Variants in ZPBP2 observed in about 807,000 individuals in gnomAD.
ZPBP2 encodes zona pellucida binding protein 2, also known as zona pellucida-binding protein 2.
Under a neutral mutation model 37.5 loss-of-function variants are expected in ZPBP2, and 34 were observed. The observed-to-expected ratio is 0.91, with a 90% CI of 0.69 to 1.21. The LOEUF (loss-of-function observed/expected upper bound fraction) is 1.21, where lower values mean the gene tolerates loss of function less well. Among genes scored for constraint, ZPBP2 ranks in the 50% most tolerant of loss-of-function variants. The pLI is 0.00. For missense variants in ZPBP2, 397 were observed against 413.5 expected (o/e 0.96, Z 0.35); for synonymous variants, 143 against 138.4 (o/e 1.03, Z -0.23).
Position 39,870,763 on chromosome 17 carries a change from A to G in ZPBP2, c.188A>G (p.Lys63Arg). 2.5e-6 allele frequency: 4 copies of G among 1,573,598 alleles called. No homozygotes were observed. Among genetic ancestry groups the G allele is most frequent in the Non-Finnish European group, 3.5e-6 (4 of 1,153,748 alleles). The change falls in exon 3 of 8, where the codon AAA becomes AGA. Residue 63 changes from lysine to arginine, a missense_variant. Transcript: ENST00000348931. ...LICMDFKLSKKEIVDPTYLWI... is the reference protein window; with the variant it reads ...LICMDFKLSKREIVDPTYLWI... ...TGTATGGATTTTAAGCTTTCTAAAA[A>G]AGAAATAGTGGACCCCACCTACTTA... is the stretch of plus-strand genomic sequence containing the variant.
At chr17:39,869,485 A>G (rs948586702) in intron 2 of ZPBP2, among the ~76,000 whole-genome samples, 4 of 145,858 alleles carry the variant, frequency 2.7e-5, no homozygotes, top group African/African-American at 1.0e-4. Context: ...GCTCACTGGA[A>G]CCTCCGCCTC....
chr17:39,875,593 ATT>A (rs71152615), intron 7 of ZPBP2, among the ~76,000 whole-genome samples, 159 bp downstream of exon 7: 4,312 of 146,160 alleles, frequency 0.03, 77 homozygotes, highest in Non-Finnish European at 0.043. Flanking sequence ...CAAAGCCCCA[ATT>A]TTTTTTTTTT....
In ZPBP2 at chr17:39,877,650, C is replaced by G. The variant is rs1366227750; in HGVS notation, c.*841C>G. ...TCTTTTTACTGTCTCTACAGTTTTG[C>G]CTTTTCCAAAATGTCATGTAGTTGG... On this transcript the variant is annotated 3_prime_UTR_variant, in exon 8 of 8. Transcript: ENST00000348931. The G allele has an allele frequency of 2.6e-5, 4 of 152,140 alleles. No homozygotes were observed. The highest frequency in any genetic ancestry group is 5.9e-5 in the Non-Finnish European group (4 of 68,020). The allele number at this position is 152,140 out of a possible 1,614,324, so 9.4% of individuals were successfully genotyped here. A position where few individuals can be genotyped will look rare whatever the true frequency, so the allele number is the denominator to read the frequency against.
intron 2 of ZPBP2, among the ~76,000 whole-genome samples, chr17:39,870,269 C>T (rs751874225): frequency 2.6e-4 from 39 of 152,044 alleles, no homozygotes; most frequent in Non-Finnish European, 4.6e-4. Context: ...GTCTCAAACT[C>T]CTGGACTCAA....
chr17:39,874,984 C>T (rs979335340), intron 6 of ZPBP2, among the ~76,000 whole-genome samples: 4 of 151,510 alleles, frequency 2.6e-5, no homozygotes, highest in South Asian at 4.2e-4. Flanking sequence ...CTCTTGACCT[C>T]GCGATCTGCC....
intron 3 of ZPBP2, 36 bp from the exon 4 acceptor site, chr17:39,871,423 ATATGT>A (rs767422330): frequency 7.2e-7 from 1 of 1,396,270 alleles, no homozygotes; most frequent in African/African-American, 1.5e-5. Context: ...ATAATGCTTG[ATATGT>A]TATATGTTAA....
chr17:39,874,232 A>T (rs985462473), intron 6 of ZPBP2, among the ~76,000 whole-genome samples: 2 of 152,090 alleles, frequency 1.3e-5, no homozygotes, highest in Admixed American at 6.6e-5. Context: ...ACCTCAAGTC[A>T]TCTGCACATA....
chr17:39,868,746 T>A, intron 2 of ZPBP2, 132 bp downstream of exon 2: 1 of 1,028,536 alleles, frequency 9.7e-7, no homozygotes, highest in Non-Finnish European at 1.5e-6. Flanking sequence ...AGCATCTGCT[T>A]GGCAGTTCAC....
intron 6 of ZPBP2, among the ~76,000 whole-genome samples, chr17:39,873,872 T>C (rs1360241950): frequency 2.0e-5 from 3 of 152,200 alleles, no homozygotes; most frequent in Non-Finnish European, 2.9e-5. Flanking sequence ...TTAATTGTTA[T>C]TGTGCATGGC....
At chr17:39,869,933 T>C (rs916976391) in intron 2 of ZPBP2, among the ~76,000 whole-genome samples, 2 of 150,376 alleles carry the variant, frequency 1.3e-5, no homozygotes, top group Non-Finnish European at 3.0e-5. Flanking sequence ...CAGGCTGGTA[T>C]TGAACTCCTG....
At position 39,870,745 on chromosome 17, in the gene ZPBP2, A is replaced by G. The variant is rs761251138; in HGVS notation, c.170A>G (p.Asp57Gly). 6.4e-7 allele frequency: 1 copy of G among 1,569,612 alleles called. No individual in the cohort carries two copies. Among genetic ancestry groups the G allele is most frequent in the South Asian group, 1.2e-5 (1 of 83,944 alleles). Reference protein sequence around the residue: ...HQNSPVLICMDFKLSKKEIVD... With the variant: ...HQNSPVLICMGFKLSKKEIVD... ...AATAGTCCAGTCCTTATCTGTATGG[A>G]TTTTAAGCTTTCTAAAAAAGAAATA... is the stretch of plus-strand genomic sequence containing the variant. Residue 57 changes from aspartate (D) to glycine (G), a missense_variant, in exon 3 of 8, where the codon GAT (aspartate) becomes GGT (glycine). Coordinates refer to ENST00000348931, the MANE Select transcript of ZPBP2 (RefSeq NM_199321.3).
chr17:39,875,416 A>G lies in ZPBP2; in HGVS notation c.871A>G (p.Asn291Asp). The G allele has an allele frequency of 6.2e-7, 1 of 1,608,270 alleles. No homozygotes were observed. ...TGGAAAAAATGAACGTCTACACAGTAATTGCGCTAGCTGTTGTGGTAACTA... is the reference window on the plus strand; with the variant it reads ...TGGAAAAAATGAACGTCTACACAGTGATTGCGCTAGCTGTTGTGGTAACTA... Reference protein sequence around the residue: ...GFGKNERLHSNCASCCVVCSP... With the variant: ...GFGKNERLHSDCASCCVVCSP... The change falls in exon 7 of 8, where the codon AAT (asparagine) becomes GAT (aspartate). Residue 291 changes from asparagine to aspartate, a missense_variant. By Grantham distance (23) the Asn-to-Asp change is conservative. Transcript: ENST00000348931.
rs1453043518 is a variant in ZPBP2, at chr17:39,875,248, C to T, written c.709-6C>T. On this transcript the variant is annotated splice_region_variant and splice_polypyrimidine_tract_variant and intron_variant, in intron 6 of 7. Transcript: ENST00000348931. ...TGTACCTTTCTCTGGTATTTTTCAA[C>T]CTTAGGCAAGAGATCGAATAGAAGA... is the stretch of plus-strand genomic sequence containing the variant. 1.2e-6 allele frequency: 2 copies of T among 1,603,928 alleles called. No individual in the cohort carries two copies. Among genetic ancestry groups the T allele is most frequent in the Non-Finnish European group, 1.7e-6 (2 of 1,176,154 alleles).
Position 39,868,550 on chromosome 17 carries a change from C to G in ZPBP2, c.54C>G (p.Val18=). 1 of 1,614,148 alleles carries G rather than the reference C, an allele frequency of 6.2e-7. No individual in the cohort carries two copies. The highest frequency in any genetic ancestry group is 8.5e-7 in the Non-Finnish European group (1 of 1,180,022). Residue 18 remains valine (V), a splice_region_variant and synonymous_variant, in exon 2 of 8, where the codon GTC becomes GTG. Coordinates refer to ENST00000348931, the MANE Select transcript of ZPBP2 (RefSeq NM_199321.3). ...LSAVLWCLTG[V]QCPRFTLFNK... ...GTCAGTGTTTTATTTCCTCCGCAGT[C>G]CAATGCCCGCGTTTTACCTTATTCA...
At chr17:39,871,936 T>G (rs1371478305) in intron 4 of ZPBP2, among the ~76,000 whole-genome samples, 1 of 152,182 alleles carries the variant, frequency 6.6e-6, no homozygotes, top group African/African-American at 2.4e-5. Flanking sequence ...ATCCTTTCAC[T>G]GGGTTGTGCT....
Position 39,870,780 on chromosome 17 carries a change from A to C in ZPBP2, c.205A>C (p.Thr69Pro). 6.4e-7 allele frequency: 1 copy of C among 1,567,834 alleles called. No individual in the cohort carries two copies. The highest frequency in any genetic ancestry group is 8.7e-7 in the Non-Finnish European group (1 of 1,150,376). ...KLSKKEIVDP[T>P]YLWIGPNEKT... ...TTCTAAAAAAGAAATAGTGGACCCC[A>C]CCTACTTATGGATTGGGCCTAATGA... The change falls in exon 3 of 8, where the codon ACC becomes CCC. Residue 69 changes from threonine to proline, a missense_variant. Transcript: ENST00000348931.
Position 39,876,946 on chromosome 17 carries a change from A to G in ZPBP2, c.*137A>G. 9.3e-7 allele frequency: 1 copy of G among 1,075,040 alleles called. No homozygotes were observed. The highest frequency in any genetic ancestry group is 1.3e-6 in the Non-Finnish European group (1 of 747,476). 66.6% of individuals were successfully genotyped at this position (1,075,040 alleles called of 1,614,324 possible). On this transcript the variant is annotated 3_prime_UTR_variant, in exon 8 of 8. Coordinates refer to ENST00000348931, the MANE Select transcript of ZPBP2 (RefSeq NM_199321.3). ...GAAAACATGCATTTTGGAAACTTTA[A>G]AATAAATGGTTAACATGGCATTTCT...
rs962258509 is a variant in ZPBP2, at chr17:39,868,220, T to A, written c.-135T>A. The A allele has an allele frequency of 1.1e-6, 1 of 948,400 alleles. No individual in the cohort carries two copies. The highest frequency in any genetic ancestry group is 1.5e-6 in the Non-Finnish European group (1 of 647,246). The allele number at this position is 948,400 out of a possible 1,614,324, so 58.7% of individuals were successfully genotyped here. On this transcript the variant is annotated 5_prime_UTR_variant, in exon 1 of 8. It adds an upstream start codon to the 5' untranslated region. Coordinates refer to ENST00000348931, the MANE Select transcript of ZPBP2 (RefSeq NM_199321.3). ...TTCTCCTGCGCGTCCGCTCCCGCCGTTGCGACGGACGGGTAGGGGAGGCGA... is the reference window on the plus strand; with the variant it reads ...TTCTCCTGCGCGTCCGCTCCCGCCGATGCGACGGACGGGTAGGGGAGGCGA...
At chr17:39,871,684 G>A in intron 4 of ZPBP2, 59 bp downstream of exon 4, 1 of 1,335,414 alleles carries the variant, frequency 7.5e-7, no homozygotes, top group Non-Finnish European at 1.0e-6. Flanking sequence ...TTAAGTGTAT[G>A]GTTTCTTCAT....
Sources: gnomAD v4.1 joint callset for allele counts (sites outside exome capture counted in the v4.1 genomes callset) on GRCh38, gnomAD v4.1.1 for gene constraint, MANE v1.5 for transcripts, NCBI Gene and HGNC (gene_info 2026-07-23, HGNC 2026-07-21) for gene names.